Variants in NDUFA9 observed in about 807,000 individuals in gnomAD.
The protein encoded by NDUFA9 is NADH dehydrogenase [ubiquinone] 1 alpha subcomplex subunit 9, mitochondrial.
In NDUFA9, 23 loss-of-function variants were observed where a neutral mutation model predicts 45.9. The ratio of observed to expected loss-of-function variants is 0.50; its 90% confidence interval spans 0.36 to 0.71. The LOEUF (loss-of-function observed/expected upper bound fraction) is 0.71. NDUFA9 is among the 30% of genes least tolerant of loss of function. The pLI is 0.00. For missense variants in NDUFA9, 466 were observed against 488.2 expected, an observed-to-expected ratio of 0.95 and a Z score of 0.43; for synonymous variants, 176 against 170.5, an observed-to-expected ratio of 1.03 and a Z score of -0.25.
chr12:4,654,370 A>G lies in NDUFA9; in HGVS notation c.128A>G (p.His43Arg), dbSNP rs2137462111. Residue 43 changes from histidine (H) to arginine (R), a missense_variant, in exon 2 of 11, where the codon CAT becomes CGT. Transcript: ENST00000266544. ...CRQLHHALMP[H>R]GKGGRSSVSG... is the part of the protein sequence containing the mutation. The stretch of plus-strand genomic sequence containing the variant: ...CAGCTTCATCATGCCCTCATGCCTC[A>G]TGGGAAAGGTGGACGTTCCTCAGTC... 1.9e-6 allele frequency: 3 copies of G among 1,614,098 alleles called. No homozygotes were observed. The highest frequency in any genetic ancestry group is 2.5e-6 in the Non-Finnish European group (3 of 1,179,994).
chr12:4,682,202 T>C lies in NDUFA9; in HGVS notation c.801-3T>C. ...GAAAGAACTGTGTATTGTCTTTTTA[T>C]AGTCCCAGTCGGTACCTCCTTTTCC... On this transcript the variant is annotated splice_region_variant and splice_polypyrimidine_tract_variant and intron_variant, in intron 8 of 10. Transcript: ENST00000266544. The C allele has an allele frequency of 5.0e-6, 8 of 1,601,656 alleles. No homozygotes were observed. The highest frequency in any genetic ancestry group is 6.8e-6 in the Non-Finnish European group (8 of 1,171,140).
intron 4 of NDUFA9, 89 bp downstream of exon 4, chr12:4,657,928 C>G: frequency 1.0e-6 from 1 of 995,566 alleles, no homozygotes; most frequent in Non-Finnish European, 1.6e-6. Context: ...TGCCAGCTAT[C>G]ACAGTGACAT....
Position 4,688,031 on chromosome 12 carries a change from T to C in NDUFA9, c.*923T>C, listed in dbSNP as rs966441668. 6.6e-6 allele frequency: 1 copy of C among 152,224 alleles called. No homozygotes were observed. Among genetic ancestry groups the C allele is most frequent in the Non-Finnish European group, 1.5e-5 (1 of 68,056 alleles). 9.4% of individuals were successfully genotyped at this position (152,224 alleles called of 1,614,324 possible). On this transcript the variant is annotated 3_prime_UTR_variant, in exon 11 of 11. Coordinates refer to ENST00000266544, the MANE Select transcript of NDUFA9 (RefSeq NM_005002.5). Reference sequence around the variant, plus strand: ...TTTGATGAGGGAATGCCCGTCTCCTTACAGAGAGAAAGGTATATCAGTGTT... The same window carrying C: ...TTTGATGAGGGAATGCCCGTCTCCTCACAGAGAGAAAGGTATATCAGTGTT...
chr12:4,668,639 G>A, intron 7 of NDUFA9, 115 bp downstream of exon 7: 1 of 932,166 alleles, frequency 1.1e-6, no homozygotes, highest in Non-Finnish European at 1.7e-6. Flanking sequence ...TTGTCAACTT[G>A]TGTCAGCTAG....
chr12:4,670,599 A>C (rs998560951), intron 8 of NDUFA9, among the ~76,000 whole-genome samples: 18 of 152,210 alleles, frequency 1.2e-4, no homozygotes, highest in Non-Finnish European at 4.4e-5. Context: ...GAGGCATAGA[A>C]TATACTCCCA....
intron 3 of NDUFA9, among the ~76,000 whole-genome samples, chr12:4,656,137 A>G (rs1945789294): frequency 6.6e-6 from 1 of 152,134 alleles, no homozygotes; most frequent in Non-Finnish European, 1.5e-5. Flanking sequence ...ATTTTGATTT[A>G]TTTTCATTTC....
intron 1 of NDUFA9, among the ~76,000 whole-genome samples, chr12:4,652,019 T>A (rs948454679): frequency 1.3e-5 from 2 of 152,144 alleles, no homozygotes; most frequent in Non-Finnish European, 2.9e-5. Flanking sequence ...ACATAGCGAG[T>A]TTCCTAAAAC....
rs1376245657 is a variant in NDUFA9, at chr12:4,692,070, T to C, written c.*4962T>C. 1.3e-5 allele frequency: 2 copies of C among 152,130 alleles called. 1 individual carries two copies. Among genetic ancestry groups the C allele is most frequent in the Non-Finnish European group, 2.9e-5 (2 of 68,034 alleles). The allele number at this position is 152,130 out of a possible 1,614,324, so 9.4% of individuals were successfully genotyped here. On this transcript the variant is annotated 3_prime_UTR_variant, in exon 11 of 11. Coordinates refer to ENST00000266544, the MANE Select transcript of NDUFA9 (RefSeq NM_005002.5). Reference sequence around the variant, plus strand: ...TGGCAAGAGGCTGAGGGAAGATGTATGTCTCAAAGGGGAACTCAAATAATT... The same window carrying C: ...TGGCAAGAGGCTGAGGGAAGATGTACGTCTCAAAGGGGAACTCAAATAATT...
chr12:4,654,477 T>A lies in NDUFA9; in HGVS notation c.220+15T>A. 1 of 1,613,390 alleles carries A rather than the reference T, an allele frequency of 6.2e-7. No homozygotes were observed. The highest frequency in any genetic ancestry group is 1.7e-5 in the Admixed American group (1 of 60,000). On this transcript the variant is annotated intron_variant, in intron 2 of 10. Transcript: ENST00000266544. Reference sequence around the variant, plus strand: ...CAACCACCTTGGTAAGTAAAGTTCCTTAAGTTCATATGCTCCATTGCCATT... The same window carrying A: ...CAACCACCTTGGTAAGTAAAGTTCCATAAGTTCATATGCTCCATTGCCATT...
At chr12:4,684,595 C>A (rs559918086) in intron 9 of NDUFA9, among the ~76,000 whole-genome samples, 1 of 152,206 alleles carries the variant, frequency 6.6e-6, no homozygotes, top group South Asian at 2.1e-4. Context: ...CATAGTGAGA[C>A]CCTGTCTGTG....
At chr12:4,657,901 G>A (rs1315401342) in intron 4 of NDUFA9, 62 bp downstream of exon 4, 23 of 1,282,072 alleles carry the variant, frequency 1.8e-5, no homozygotes, top group Non-Finnish European at 2.4e-5. Context: ...ATGGACCTTC[G>A]CTGGGCACCT....
At chr12:4,660,600 T>G (rs763839647) in intron 5 of NDUFA9, among the ~76,000 whole-genome samples, 9 of 151,918 alleles carry the variant, frequency 5.9e-5, no homozygotes, top group Non-Finnish European at 1.2e-4. Flanking sequence ...AGTAATCTGG[T>G]AGAGAAGGAG....
At chr12:4,666,639 A>G (rs1215230810) in intron 6 of NDUFA9, among the ~76,000 whole-genome samples, 2 of 152,154 alleles carry the variant, frequency 1.3e-5, no homozygotes, top group Non-Finnish European at 2.9e-5. Flanking sequence ...ATCTTTCCCC[A>G]TTGAATGGTC....
chr12:4,676,485 A>G (rs1486323111), intron 8 of NDUFA9, among the ~76,000 whole-genome samples: 1 of 152,244 alleles, frequency 6.6e-6, no homozygotes, highest in African/African-American at 2.4e-5. Flanking sequence ...AAGCATTCCC[A>G]TACACCAATA....
At chr12:4,667,832 T>TAA (rs11399779) in intron 6 of NDUFA9, among the ~76,000 whole-genome samples, 4 of 149,360 alleles carry the variant, frequency 2.7e-5, no homozygotes, top group East Asian at 2.0e-4. Flanking sequence ...TTAAATGGTT[T>TAA]AAAAAAAAAA....
At position 4,657,978 on chromosome 12, in the gene NDUFA9, C is replaced by T. The variant is rs1945801448; in HGVS notation, c.410+139C>T. The T allele has an allele frequency of 1.4e-5, 10 of 692,962 alleles. No individual in the cohort carries two copies. The South Asian group carries it at 1.7e-4, about 11-fold the overall frequency. 42.9% of individuals were successfully genotyped at this position (692,962 alleles called of 1,614,324 possible). On this transcript the variant is annotated intron_variant, in intron 4 of 10. Transcript: ENST00000266544. Reference sequence around the variant, plus strand: ...TAAGGGTTGGTTGAACAACCACTTGCATACCCAGTGACACCCCTGAGGAGA... The same window carrying T: ...TAAGGGTTGGTTGAACAACCACTTGTATACCCAGTGACACCCCTGAGGAGA...
At chr12:4,658,145 C>A (rs189804664) in intron 4 of NDUFA9, among the ~76,000 whole-genome samples, 4 of 152,340 alleles carry the variant, frequency 2.6e-5, no homozygotes, top group African/African-American at 9.6e-5. Context: ...AGGATTTTGC[C>A]TGTTCTGCTG....
chr12:4,686,516 A>G (rs1945987745), intron 10 of NDUFA9, among the ~76,000 whole-genome samples: 1 of 151,860 alleles, frequency 6.6e-6, no homozygotes, highest in Non-Finnish European at 1.5e-5. Flanking sequence ...TGCTCAGAAA[A>G]CAGGGGCGTG....
rs750194827 is a variant in NDUFA9, at chr12:4,687,053, G to A, written c.1079G>A (p.Arg360His). Residue 360 changes from arginine to histidine, a missense_variant, in exon 11 of 11, where the codon CGC becomes CAC. Arg to His is a conservative substitution (Grantham distance 29, BLOSUM62 0). Coordinates refer to ENST00000266544, the MANE Select transcript of NDUFA9 (RefSeq NM_005002.5). ...GTGCTGCGGCGTCATCGCACTTACC[G>A]CTGGCTGTCTGCTGAAATTGAGGAT... ...IEVLRRHRTY[R>H]WLSAEIEDVK... 5.0e-6 allele frequency: 8 copies of A among 1,614,130 alleles called. No homozygotes were observed. Among genetic ancestry groups the A allele is most frequent in the South Asian group, 1.1e-5 (1 of 91,070 alleles).
Sources: gnomAD v4.1 joint callset for allele counts (sites outside exome capture counted in the v4.1 genomes callset) on GRCh38, gnomAD v4.1.1 for gene constraint, MANE v1.5 for transcripts, NCBI Gene and HGNC (gene_info 2026-07-23, HGNC 2026-07-21) for gene names.